Variants in PPP6C observed in about 807,000 individuals in gnomAD.
The protein encoded by PPP6C is protein phosphatase 6 catalytic subunit.
A neutral mutation model predicts 39.8 loss-of-function variants in PPP6C; 11 were observed. That is an observed-to-expected ratio of 0.28 (90% confidence interval 0.17 to 0.46). PPP6C has a LOEUF of 0.46. Among genes scored for constraint, PPP6C ranks in the 20% least tolerant of loss-of-function variants. PPP6C has a pLI of 1.00. For synonymous variants in PPP6C, 129 were observed against 130.3 expected (o/e 0.99, Z 0.07); for missense variants, 211 against 373.9 (o/e 0.56, Z 3.59).
intron 3 of PPP6C, 41 bp from the exon 4 acceptor site, chr9:125,158,423 CA>C (rs778631591): frequency 9.6e-6 from 15 of 1,570,632 alleles, no homozygotes; most frequent in Non-Finnish European, 1.3e-5. Context: ...ATACAATAGC[CA>C]CAATATTCTT....
At chr9:125,171,470 CACACACACATATAT>C (rs1440509913) in intron 1 of PPP6C, among the ~76,000 whole-genome samples, 6 of 24,700 alleles carry the variant, frequency 2.4e-4, no homozygotes, top group East Asian at 1.0e-3. Flanking sequence ...TACACACACA[CACACACACATATAT>C]ATATATATAT....
At chr9:125,172,599 TG>T (rs1829195482) in intron 1 of PPP6C, among the ~76,000 whole-genome samples, 1 of 152,036 alleles carries the variant, frequency 6.6e-6, no homozygotes, top group Non-Finnish European at 1.5e-5. Context: ...AGGAAGTGGG[TG>T]TGGCTATAAA....
chr9:125,179,166 G>A (rs1479229231), intron 1 of PPP6C, among the ~76,000 whole-genome samples: 2 of 145,166 alleles, frequency 1.4e-5, no homozygotes, highest in East Asian at 4.2e-4. Context: ...GGTGAGCTGA[G>A]ATCGCGCCAC....
At chr9:125,189,320 C>T (rs1247625776) in intron 1 of PPP6C, among the ~76,000 whole-genome samples, 5 of 152,148 alleles carry the variant, frequency 3.3e-5, no homozygotes, top group African/African-American at 1.2e-4. Flanking sequence ...CTGCGGGAGA[C>T]CCAGGGATGG....
At chr9:125,186,836 C>G (rs1262166107) in intron 1 of PPP6C, among the ~76,000 whole-genome samples, 2 of 147,066 alleles carry the variant, frequency 1.4e-5, no homozygotes, top group Non-Finnish European at 3.0e-5. Context: ...TATGTTTCAA[C>G]AAGAAATAAA....
intron 1 of PPP6C, among the ~76,000 whole-genome samples, chr9:125,177,760 A>T (rs1000333897): frequency 2.6e-5 from 4 of 152,184 alleles, no homozygotes; most frequent in African/African-American, 9.7e-5. Context: ...TTGTATAATG[A>T]CATGTACCTA....
At chr9:125,178,543 G>C (rs1176189881) in intron 1 of PPP6C, among the ~76,000 whole-genome samples, 1 of 152,146 alleles carries the variant, frequency 6.6e-6, no homozygotes, top group Admixed American at 6.6e-5. Flanking sequence ...AACCAGGCAA[G>C]TAGGCTACAG....
intron 2 of PPP6C, among the ~76,000 whole-genome samples, chr9:125,165,841 G>GGC (rs1829001895): frequency 7.9e-6 from 1 of 127,086 alleles, no homozygotes; most frequent in African/African-American, 3.1e-5. Context: ...CTGTTGTCCA[G>GGC]GCTGGAGTAC....
At chr9:125,187,049 C>T (rs963080561) in intron 1 of PPP6C, among the ~76,000 whole-genome samples, 1 of 145,184 alleles carries the variant, frequency 6.9e-6, no homozygotes, top group Admixed American at 7.2e-5. Flanking sequence ...CTGGTTCAAG[C>T]GATTCTCCTG....
At chr9:125,172,754 C>T (rs867205943) in intron 1 of PPP6C, among the ~76,000 whole-genome samples, 1 of 142,450 alleles carries the variant, frequency 7.0e-6, no homozygotes, top group African/African-American at 2.9e-5. Flanking sequence ...CACACACAAA[C>T]ACACACACAC....
Position 125,158,260 on chromosome 9 carries a change from T to A in PPP6C, c.360A>T (p.Thr120=), listed in dbSNP as rs1836129147. The change falls in exon 4 of 7, where the codon ACA becomes ACT. Residue 120 remains threonine, a synonymous_variant. Coordinates refer to ENST00000373547, the MANE Select transcript of PPP6C (RefSeq NM_002721.5). The part of the protein sequence containing the change: ...LRGNHESRQI[T]QVYGFYDECQ... ...TCTTACCATAAAATCCATAGACCTGTGTTATCTGTCTACTCTCATGATTTC... is the reference window on the plus strand; with the variant it reads ...TCTTACCATAAAATCCATAGACCTGAGTTATCTGTCTACTCTCATGATTTC... 4 of 1,608,268 alleles carry A rather than the reference T, an allele frequency of 2.5e-6. No homozygotes were observed. Among genetic ancestry groups the A allele is most frequent in the Non-Finnish European group, 3.4e-6 (4 of 1,175,196 alleles).
intron 1 of PPP6C, among the ~76,000 whole-genome samples, chr9:125,171,667 C>A (rs573399411): frequency 9.9e-5 from 15 of 151,376 alleles, no homozygotes; most frequent in Non-Finnish European, 1.9e-4. Context: ...AATTTTCCTG[C>A]CTCAGCCTCC....
At chr9:125,186,678 AG>A (rs1373271915) in intron 1 of PPP6C, among the ~76,000 whole-genome samples, 2 of 151,828 alleles carry the variant, frequency 1.3e-5, no homozygotes, top group African/African-American at 4.9e-5. Context: ...TGAGCCCAGG[AG>A]GTCGAGGCTG....
intron 6 of PPP6C, 59 bp downstream of exon 6, chr9:125,153,474 G>C (rs1588272652): frequency 6.7e-7 from 1 of 1,501,432 alleles, no homozygotes; most frequent in East Asian, 2.3e-5. Context: ...GGCCACCATA[G>C]TTCTCTATGC....
At position 125,186,530 on chromosome 9, in the gene PPP6C, G is replaced by C. The variant is rs1373543708; in HGVS notation, c.75+3114C>G. ...GGAAGCCAAGGTGGGAGGATCGCTT[G>C]AGCCCAGGAGTTCAAGACTGGCCTG... On this transcript the variant is annotated intron_variant, in intron 1 of 6. Transcript: ENST00000373547. Among the ~76,000 whole-genome samples the C allele has an allele frequency of 3.9e-5, 6 of 151,964 alleles. No individual in the cohort carries two copies. In the East Asian group the frequency reaches 1.2e-3, roughly 29 times the overall value.
At chr9:125,175,332 G>A (rs1487635490) in intron 1 of PPP6C, among the ~76,000 whole-genome samples, 1 of 151,796 alleles carries the variant, frequency 6.6e-6, no homozygotes. Flanking sequence ...TAAAATTCTG[G>A]TTTGCATTAG....
intron 1 of PPP6C, among the ~76,000 whole-genome samples, chr9:125,174,778 G>A (rs930584938): frequency 2.0e-5 from 3 of 152,034 alleles, no homozygotes; most frequent in Non-Finnish European, 4.4e-5. Context: ...GGTCAGTAGA[G>A]GCACGTACCT....
At chr9:125,155,135 A>G (rs1836037323) in intron 4 of PPP6C, among the ~76,000 whole-genome samples, 1 of 152,076 alleles carries the variant, frequency 6.6e-6, no homozygotes, top group South Asian at 2.1e-4. Flanking sequence ...TGAACTCCTG[A>G]GCTCAAGCAA....
chr9:125,162,107 C>T (rs940203642), intron 2 of PPP6C, among the ~76,000 whole-genome samples: 52 of 150,036 alleles, frequency 3.5e-4, no homozygotes, highest in Admixed American at 2.7e-3. Context: ...AAAAAAACAA[C>T]TTTAGGAAGC....
Sources: allele counts gnomAD v4.1 joint callset (sites outside exome capture counted in the v4.1 genomes callset), GRCh38; gene constraint gnomAD v4.1.1; transcripts MANE v1.5; gene names NCBI Gene and HGNC (gene_info 2026-07-23, HGNC 2026-07-21).